The following EPB41L1 variants were observed in gnomAD, a reference collection of about 807,000 sequenced individuals.
EPB41L1 encodes the protein erythrocyte membrane protein band 4.1 like 1.
A neutral mutation model predicts 97.8 loss-of-function variants in EPB41L1; 29 were observed. The ratio of observed to expected loss-of-function variants is 0.30; its 90% CI spans 0.22 to 0.40. EPB41L1 has a LOEUF of 0.40. EPB41L1 is among the 10% of genes least tolerant of loss of function. The probability of loss-of-function intolerance (pLI) is 1.00; values close to 1 mark genes in which losing one functional copy is unlikely to be tolerated. For missense variants in EPB41L1, 812 were observed against 1,162.3 expected (o/e 0.70, Z 4.38); for synonymous variants, 383 against 459.2 (o/e 0.83, Z 2.12).
intron 15 of EPB41L1, among the ~76,000 whole-genome samples, chr20:36,211,211 A>G (rs2063112167): frequency 6.6e-6 from 1 of 151,768 alleles, no homozygotes; most frequent in Non-Finnish European, 1.5e-5. Flanking sequence ...ACATGGTGAA[A>G]CCTTGTCTCT....
intron 1 of EPB41L1, among the ~76,000 whole-genome samples, chr20:36,156,104 G>T (rs1209632545): frequency 6.6e-6 from 1 of 152,228 alleles, no homozygotes; most frequent in African/African-American, 2.4e-5. Flanking sequence ...GGCAGAGGCA[G>T]CCTGTGCCAG....
intron 1 of EPB41L1, among the ~76,000 whole-genome samples, chr20:36,105,582 T>G (rs958993607): frequency 1.3e-5 from 2 of 152,170 alleles, no homozygotes; most frequent in African/African-American, 4.8e-5. Flanking sequence ...ATGGAACTTA[T>G]GCCATCGCTT....
chr20:36,169,131 T>C (rs1457005942), intron 1 of EPB41L1, among the ~76,000 whole-genome samples: 1 of 148,804 alleles, frequency 6.7e-6, no homozygotes, highest in Admixed American at 6.7e-5. Context: ...GAGGCTGAGG[T>C]AGGAGAAATT....
chr20:36,147,666 G>GCTCT (rs2059892261), intron 2 of EPB41L1, among the ~76,000 whole-genome samples: 1 of 152,220 alleles, frequency 6.6e-6, no homozygotes, highest in Admixed American at 6.5e-5. Flanking sequence ...GGACTCAGAT[G>GCTCT]CTCTCTGCAA....
At chr20:36,158,046 A>G (rs2060381853) in intron 1 of EPB41L1, among the ~76,000 whole-genome samples, 1 of 152,170 alleles carries the variant, frequency 6.6e-6, no homozygotes, top group Non-Finnish European at 1.5e-5. Flanking sequence ...AAGCCCTGTG[A>G]GGTGTAGATG....
At position 36,190,220 on chromosome 20, in the gene EPB41L1, G is replaced by C; in HGVS notation, c.1027-57G>C. The C allele has an allele frequency of 1.5e-6, 2 of 1,316,066 alleles. No homozygotes were observed. The highest frequency in any genetic ancestry group is 1.1e-6 in the Non-Finnish European group (1 of 911,614). The allele number at this position is 1,316,066 out of a possible 1,614,324, so 81.5% of individuals were successfully genotyped here. ...ATAAAATAAAAAACACAAAGAATGG[G>C]CTAGTGGCGAGAGTGAGCTCAGGCC... On this transcript the variant is annotated intron_variant, in intron 9 of 21. Transcript: ENST00000338074. This position sits in a 1 kb window ranked among gnomAD's most constrained non-coding sequence, Gnocchi z 5.8.
At chr20:36,196,625 TG>T in intron 13 of EPB41L1, among the ~76,000 whole-genome samples, 2 of 152,306 alleles carry the variant, frequency 1.3e-5, no homozygotes, top group South Asian at 4.1e-4. Flanking sequence ...AGTGGATCCT[TG>T]GGTACCAGAG....
chr20:36,104,777 C>T lies in EPB41L1; in HGVS notation c.-64-7649C>T, dbSNP rs551884568. On this transcript the variant is annotated intron_variant, in intron 1 of 19. Coordinates refer to the EPB41L1 transcript ENST00000202028. ...AGAAGTGATCTCTGAATCCACCTCC[C>T]TCATGCCACGCTATGCAGGTGGGAA... is the stretch of plus-strand genomic sequence containing the variant. 2.0e-5 allele frequency among the ~76,000 whole-genome samples: 3 copies of T among 152,272 alleles called. No homozygotes were observed. The South Asian group carries it at 6.2e-4, about 32-fold the overall frequency.
At chr20:36,139,956 C>T (rs977218340) in intron 2 of EPB41L1, among the ~76,000 whole-genome samples, 2 of 152,082 alleles carry the variant, frequency 1.3e-5, no homozygotes, top group Non-Finnish European at 2.9e-5. Flanking sequence ...TCTCGAACTC[C>T]CGACCTCAGG....
intron 17 of EPB41L1, 126 bp from the exon 18 acceptor site, chr20:36,218,750 C>A: frequency 1.2e-6 from 1 of 857,230 alleles, no homozygotes; most frequent in Non-Finnish European, 1.9e-6. Context: ...ACGATGCCTT[C>A]AGTCCTTTGC....
At chr20:36,211,575 T>C (rs2063136231) in intron 15 of EPB41L1, among the ~76,000 whole-genome samples, 1 of 150,022 alleles carries the variant, frequency 6.7e-6, no homozygotes, top group Non-Finnish European at 1.5e-5. Context: ...GAGTCCAGGC[T>C]GGGCACGGTG....
chr20:36,148,331 G>C (rs760023674), intron 2 of EPB41L1, among the ~76,000 whole-genome samples: 2 of 152,214 alleles, frequency 1.3e-5, no homozygotes, highest in African/African-American at 2.4e-5. Flanking sequence ...TTTCTAGCCA[G>C]AGGAGTTGGT....
At chr20:36,188,999 G>T (rs2061823815) in intron 9 of EPB41L1, among the ~76,000 whole-genome samples, 1 of 152,044 alleles carries the variant, frequency 6.6e-6, no homozygotes, top group African/African-American at 2.4e-5. Flanking sequence ...AAGTATGGAA[G>T]TTTGTACACA....
chr20:36,103,702 TTC>T (rs1345417903), intron 1 of EPB41L1, among the ~76,000 whole-genome samples: 1 of 149,028 alleles, frequency 6.7e-6, no homozygotes, highest in Non-Finnish European at 1.5e-5. Flanking sequence ...TTCTTTTTCT[TTC>T]TTTTTTTTTT....
At chr20:36,193,176 C>T (rs895396304) in intron 11 of EPB41L1, among the ~76,000 whole-genome samples, 5 of 152,160 alleles carry the variant, frequency 3.3e-5, no homozygotes, top group Non-Finnish European at 5.9e-5. Context: ...TGGTGAAGCT[C>T]ATCGGAGAGG....
chr20:36,155,110 G>A, intron 1 of EPB41L1: 1 of 496,196 alleles, frequency 2.0e-6, no homozygotes, highest in South Asian at 1.5e-5. Context: ...CGGAGGCTGG[G>A]GGTTGGCGGG....
intron 2 of EPB41L1, among the ~76,000 whole-genome samples, chr20:36,113,076 C>T (rs1600366914): frequency 6.6e-6 from 1 of 152,154 alleles, no homozygotes; most frequent in Non-Finnish European, 1.5e-5. Context: ...TTGGAGTTGG[C>T]GTGGGGCTGG....
Position 36,178,062 on chromosome 20 carries a change from T to C in EPB41L1, c.447+6T>C. 1.9e-6 allele frequency: 3 copies of C among 1,610,754 alleles called. No homozygotes were observed. Among genetic ancestry groups the C allele is most frequent in the Non-Finnish European group, 2.5e-6 (3 of 1,177,038 alleles). ...GTGATGCTGACAGCCAGAAGGTACC[T>C]GGGCTAGGGAGCAGGGTGGGACCTG... is the stretch of plus-strand genomic sequence containing the variant. On this transcript the variant is annotated splice_donor_region_variant and intron_variant, in intron 4 of 21. Coordinates refer to ENST00000338074, the MANE Select transcript of EPB41L1 (RefSeq NM_012156.2).
In EPB41L1 at chr20:36,170,902, G is replaced by A. The variant is rs564030855; in HGVS notation, c.-14-2862G>A. Among the ~76,000 whole-genome samples, 15 of 152,282 alleles carry A rather than the reference G, an allele frequency of 9.9e-5. No homozygotes were observed. In the South Asian group the frequency reaches 2.5e-3, roughly 25 times the overall value. ...GGAGCGCCAGGCATTTGCTGCCAGC[G>A]GGCTCTGCTGGAGACCCAGGCAGAG... On this transcript the variant is annotated intron_variant, in intron 1 of 21. Transcript: ENST00000338074.
Sources: gnomAD v4.1 joint callset for allele counts (sites outside exome capture counted in the v4.1 genomes callset) on GRCh38, gnomAD v4.1.1 for gene constraint, Gnocchi (gnomAD v3.1) non-coding constraint, MANE v1.5 for transcripts, NCBI Gene and HGNC (gene_info 2026-07-23, HGNC 2026-07-21) for gene names.